PTPRG: variants seen among roughly 807,000 people sequenced by gnomAD.
The protein encoded by PTPRG is receptor-type tyrosine-protein phosphatase gamma.
Under a neutral mutation model 165.3 loss-of-function variants are expected in PTPRG, and 102 were observed. The ratio of observed to expected loss-of-function variants is 0.62; its 90% CI spans 0.53 to 0.73. PTPRG has a LOEUF of 0.73. PTPRG is among the 30% of genes least tolerant of loss of function. The pLI is 0.00. For synonymous variants in PTPRG, 675 were observed against 669.5 expected (o/e 1.01, Z -0.13); for missense variants, 1,866 against 1,861.4 (o/e 1.00, Z -0.05).
intron 2 of PTPRG, among the ~76,000 whole-genome samples, chr3:61,961,841 A>C (rs2040159217): frequency 6.6e-6 from 1 of 152,002 alleles, no homozygotes; most frequent in Non-Finnish European, 1.5e-5. Flanking sequence ...TAAATGAGAA[A>C]CTCTGGGGTG....
intron 4 of PTPRG, among the ~76,000 whole-genome samples, chr3:62,026,099 G>A (rs543530345): frequency 1.3e-5 from 2 of 152,246 alleles, no homozygotes; most frequent in Admixed American, 6.5e-5. Flanking sequence ...TGTAAGTGAG[G>A]CCAGTTTATT....
chr3:61,767,331 T>A (rs1480087035), intron 2 of PTPRG, among the ~76,000 whole-genome samples: 1 of 151,938 alleles, frequency 6.6e-6, no homozygotes, highest in African/African-American at 2.4e-5. Context: ...TTTCTTTTAC[T>A]CTCATTTTGT....
In PTPRG at chr3:62,203,384, C is replaced by A; in HGVS notation, c.1589C>A (p.Pro530His). The A allele has an allele frequency of 6.2e-7, 1 of 1,613,564 alleles. No homozygotes were observed. Among genetic ancestry groups the A allele is most frequent in the South Asian group, 1.1e-5 (1 of 91,038 alleles). The change falls in exon 12 of 30, where the codon CCC (proline) becomes CAC (histidine). Residue 530 changes from proline (P) to histidine (H), a missense_variant. Physicochemically the swap from Pro to His is moderately conservative, Grantham distance 77 (BLOSUM62 -2). Around this residue, in one of 3 missense-constraint regions of PTPRG, gnomAD observed 1,452 missense variants for 1,463.0 expected, o/e 0.99. Coordinates refer to ENST00000474889, the MANE Select transcript of PTPRG (RefSeq NM_002841.4). This position sits in a 1 kb window ranked among gnomAD's most constrained non-coding sequence, Gnocchi z 6.4. ...GGCGGTGGTGGCATCTCCTCTTTCC[C>A]CAGCACTGTGTGGCCCACGCGCCTC... The part of the protein sequence containing the change: ...GFGGGGISSF[P>H]STVWPTRLPT...
At chr3:61,939,889 A>G (rs1269498264) in intron 2 of PTPRG, among the ~76,000 whole-genome samples, 1 of 116,554 alleles carries the variant, frequency 8.6e-6, no homozygotes, top group South Asian at 3.1e-4. Context: ...GGAAAGAAGT[A>G]TTGGTGGGGT....
chr3:62,025,342 A>T (rs781173508), intron 4 of PTPRG, among the ~76,000 whole-genome samples: 1 of 152,248 alleles, frequency 6.6e-6, no homozygotes, highest in Non-Finnish European at 1.5e-5. Context: ...AAACCTTGGC[A>T]AAAGGACTGG....
intron 2 of PTPRG, among the ~76,000 whole-genome samples, chr3:61,900,107 A>G (rs1358545510): frequency 6.6e-6 from 1 of 152,222 alleles, no homozygotes; most frequent in Non-Finnish European, 1.5e-5. Context: ...TCAAATTACA[A>G]GTATCAAATG....
At chr3:62,160,132 C>T (rs1269883990) in intron 7 of PTPRG, among the ~76,000 whole-genome samples, 1 of 152,222 alleles carries the variant, frequency 6.6e-6, no homozygotes, top group Non-Finnish European at 1.5e-5. Flanking sequence ...CTCTTTTCTT[C>T]CCTGTCATCC....
At chr3:61,602,562 A>C (rs1030309610) in intron 1 of PTPRG, among the ~76,000 whole-genome samples, 1 of 152,242 alleles carries the variant, frequency 6.6e-6, no homozygotes, top group Non-Finnish European at 1.5e-5. Context: ...TTATGGGATC[A>C]GGGAGAAGAT....
intron 4 of PTPRG, among the ~76,000 whole-genome samples, chr3:62,005,690 CTTTTTTTT>C (rs35487954): frequency 6.6e-5 from 4 of 60,334 alleles, no homozygotes; most frequent in Admixed American, 2.8e-4. Context: ...CATTAATATC[CTTTTTTTT>C]TTTTTTTTTT....
At chr3:62,030,803 A>G (rs1215912775) in intron 4 of PTPRG, among the ~76,000 whole-genome samples, 2 of 152,184 alleles carry the variant, frequency 1.3e-5, no homozygotes, top group Non-Finnish European at 2.9e-5. Flanking sequence ...AAAACAAGGA[A>G]TTGTCATTGA....
intron 1 of PTPRG, among the ~76,000 whole-genome samples, chr3:61,747,419 G>C (rs1246331441): frequency 1.3e-5 from 2 of 152,206 alleles, no homozygotes; most frequent in African/African-American, 4.8e-5. Context: ...CTTGAAAAAT[G>C]AGTGGAAGCT....
intron 2 of PTPRG, among the ~76,000 whole-genome samples, chr3:61,795,830 ATTACAAAGTGGCCTT>A (rs2035029709): frequency 6.6e-6 from 1 of 152,050 alleles, no homozygotes; most frequent in Non-Finnish European, 1.5e-5. Context: ...CCCCACCCCC[ATTACAAAGTGGCCTT>A]TGCATAGTAA....
intron 14 of PTPRG, among the ~76,000 whole-genome samples, chr3:62,241,274 G>A (rs920348931): frequency 1.3e-5 from 2 of 152,204 alleles, no homozygotes; most frequent in South Asian, 4.1e-4. Flanking sequence ...ATGCTGTGCA[G>A]TGGGTGCTGA....
intron 1 of PTPRG, among the ~76,000 whole-genome samples, chr3:61,735,900 A>G (rs1020652677): frequency 7.6e-6 from 1 of 132,212 alleles, no homozygotes; most frequent in Non-Finnish European, 1.6e-5. Flanking sequence ...CATCCATGTT[A>G]AAACAATGAT....
intron 6 of PTPRG, among the ~76,000 whole-genome samples, chr3:62,150,070 A>G (rs1454634126): frequency 6.6e-6 from 1 of 152,142 alleles, no homozygotes; most frequent in Non-Finnish European, 1.5e-5. Flanking sequence ...TTTCCTTCTC[A>G]GTGATCCTGC....
intron 4 of PTPRG, among the ~76,000 whole-genome samples, chr3:62,066,039 G>C (rs528752566): frequency 1.3e-5 from 2 of 152,250 alleles, no homozygotes; most frequent in African/African-American, 2.4e-5. Flanking sequence ...GCAAAATGTA[G>C]TTTTCCAGAT....
In PTPRG at chr3:62,124,334, C is replaced by T. The variant is rs537913679; in HGVS notation, c.616-8268C>T. On this transcript the variant is annotated intron_variant, in intron 5 of 29. Transcript: ENST00000474889. ...CCTGGATGCCTGGTTCTGCCCGGGT[C>T]TCTGGTGATGCAGGCTGACAATAGT... The T allele has an allele frequency of 1.7e-5, 28 of 1,611,984 alleles. 1 individual carries two copies. In the South Asian group the frequency reaches 2.9e-4, roughly 16 times the overall value.
chr3:61,901,550 C>T (rs1402439217), intron 2 of PTPRG, among the ~76,000 whole-genome samples: 2 of 152,198 alleles, frequency 1.3e-5, no homozygotes, highest in Non-Finnish European at 2.9e-5. Flanking sequence ...AATTTGCACG[C>T]TATGTGCAAG....
At chr3:61,748,220 C>A (rs986732469) in intron 1 of PTPRG, among the ~76,000 whole-genome samples, 1 of 152,230 alleles carries the variant, frequency 6.6e-6, no homozygotes, top group Non-Finnish European at 1.5e-5. Flanking sequence ...AAGACTGGTA[C>A]TAATCACAAG....
Sources: gnomAD v4.1 joint callset for allele counts (sites outside exome capture counted in the v4.1 genomes callset) on GRCh38, gnomAD v4.1.1 for gene constraint, gnomAD v4.1.1 regional missense constraint, Gnocchi (gnomAD v3.1) non-coding constraint, MANE v1.5 for transcripts, NCBI Gene and HGNC (gene_info 2026-07-23, HGNC 2026-07-21) for gene names.